APP: variants seen among roughly 807,000 people sequenced by gnomAD.
APP encodes amyloid-beta precursor protein.
A neutral mutation model predicts 101.4 loss-of-function variants in APP; 31 were observed. That is an observed-to-expected ratio of 0.31 (90% CI 0.23 to 0.41). APP has a LOEUF of 0.41. Ranked by LOEUF, APP falls within the 10% of genes least tolerant of loss-of-function variation. The pLI is 1.00. For missense variants in APP, 839 were observed against 1,003.7 expected (o/e 0.84, Z 2.22); for synonymous variants, 366 against 364.4 (o/e 1.00, Z -0.05).
At chr21:25,969,741 A>G (rs1387557674) in intron 11 of APP, among the ~76,000 whole-genome samples, 1 of 151,710 alleles carries the variant, frequency 6.6e-6, no homozygotes, top group Non-Finnish European at 1.5e-5. Flanking sequence ...CATGAGGCTG[A>G]GGCAAAAGGA....
chr21:25,883,326 T>G (rs1009600681), intron 17 of APP, among the ~76,000 whole-genome samples: 1 of 152,006 alleles, frequency 6.6e-6, no homozygotes, highest in Non-Finnish European at 1.5e-5. Context: ...TGGCTTGAAC[T>G]TGGGGGGTGG....
chr21:26,065,214 G>C (rs1460537629), intron 3 of APP, among the ~76,000 whole-genome samples: 1 of 152,180 alleles, frequency 6.6e-6, no homozygotes, highest in Admixed American at 6.5e-5. Context: ...CAGGATCATT[G>C]TCAGGGCATG....
Position 26,080,243 on chromosome 21 carries a change from A to C in APP, c.355+9700T>G, listed in dbSNP as rs116847037. 1.0e-2 allele frequency among the ~76,000 whole-genome samples: 1,518 copies of C among 152,284 alleles called. 14 individuals carry two copies. The highest frequency in any genetic ancestry group is 0.016 in the Non-Finnish European group (1,107 of 68,010). On this transcript the variant is annotated intron_variant, in intron 3 of 17. Transcript: ENST00000346798. ...TTCACTTGTAACACTTAATAATCTC[A>C]AAGTTTTGATTTGTGAATTCCATTA...
At chr21:26,157,965 G>A (rs2063409934) in intron 1 of APP, 1 of 152,172 alleles carries the variant, frequency 6.6e-6, no homozygotes, top group African/African-American at 2.4e-5. Context: ...CAAAGAACAA[G>A]CACAACAAAA....
At chr21:25,900,019 ATTTAT>A (rs2038337415) in intron 15 of APP, among the ~76,000 whole-genome samples, 1 of 152,010 alleles carries the variant, frequency 6.6e-6, no homozygotes, top group Non-Finnish European at 1.5e-5. Context: ...CTCTATTCTT[ATTTAT>A]TTTCTTACTT....
intron 1 of APP, among the ~76,000 whole-genome samples, chr21:26,154,586 G>A (rs1015378303): frequency 2.0e-5 from 3 of 152,162 alleles, no homozygotes; most frequent in Non-Finnish European, 4.4e-5. Context: ...TAAAGCTCCT[G>A]GCTTAATATT....
chr21:26,128,722 G>GA (rs554408042), intron 1 of APP, among the ~76,000 whole-genome samples: 185 of 145,808 alleles, frequency 1.3e-3, no homozygotes, highest in Middle Eastern at 3.5e-3. Context: ...GGAGGCTTTT[G>GA]AAAAAAAAAA....
In APP at chr21:26,028,023, C is replaced by T. The variant is rs559266813; in HGVS notation, c.663-5981G>A. Reference sequence around the variant, plus strand: ...CAGCCTGGCCAACATAGTGAAATTCCGTCTCTACTAAAAATACAAAAAATT... The same window carrying T: ...CAGCCTGGCCAACATAGTGAAATTCTGTCTCTACTAAAAATACAAAAAATT... On this transcript the variant is annotated intron_variant, in intron 5 of 17. Coordinates refer to ENST00000346798, the MANE Select transcript of APP (RefSeq NM_000484.4). 1.5e-3 allele frequency among the ~76,000 whole-genome samples: 222 copies of T among 151,952 alleles called. 1 individual carries two copies. The highest frequency in any genetic ancestry group is 2.6e-3 in the Non-Finnish European group (175 of 67,936).
chr21:25,942,556 CAA>C (rs1193976287), intron 13 of APP: 1 of 152,138 alleles, frequency 6.6e-6, no homozygotes, highest in Non-Finnish European at 1.5e-5. Context: ...ACTGTTTATC[CAA>C]AGTCTCCCCA....
chr21:26,148,148 C>T (rs2146331938), intron 1 of APP, among the ~76,000 whole-genome samples: 1 of 152,314 alleles, frequency 6.6e-6, no homozygotes, highest in East Asian at 1.9e-4. Flanking sequence ...GTGGAGAAGC[C>T]ACAAACCCCT....
chr21:26,168,141 G>C (rs1279915283), intron 1 of APP, among the ~76,000 whole-genome samples: 3 of 152,082 alleles, frequency 2.0e-5, no homozygotes, highest in African/African-American at 4.8e-5. Context: ...ACATCATATA[G>C]ATTAGGGTTT....
rs577329119 is a variant in APP, at chr21:26,003,579, G to A, written c.866-3397C>T. Among the ~76,000 whole-genome samples, 26 of 152,336 alleles carry A rather than the reference G, an allele frequency of 1.7e-4. No homozygotes were observed. The South Asian group carries it at 5.2e-3, about 30-fold the overall frequency. ...GTTAATTTAATGTCAAATACATAAT[G>A]TATGGAGAAGATGTACGTGAGGCTG... On this transcript the variant is annotated intron_variant, in intron 6 of 17. Coordinates refer to ENST00000346798, the MANE Select transcript of APP (RefSeq NM_000484.4).
At chr21:26,093,755 T>C (rs1356626869) in intron 2 of APP, among the ~76,000 whole-genome samples, 1 of 152,222 alleles carries the variant, frequency 6.6e-6, no homozygotes, top group Non-Finnish European at 1.5e-5. Flanking sequence ...TTTTCTGTGC[T>C]TCAGCTTCTC....
intron 15 of APP, among the ~76,000 whole-genome samples, chr21:25,904,782 G>A (rs1398038572): frequency 6.6e-6 from 1 of 152,002 alleles, no homozygotes. Context: ...ATTTGGAAGG[G>A]CTCTCTTTTA....
intron 1 of APP, among the ~76,000 whole-genome samples, chr21:26,156,308 T>C (rs528530335): frequency 7.7e-4 from 118 of 152,352 alleles, no homozygotes; most frequent in African/African-American, 2.6e-3. Context: ...TTGCAATCTG[T>C]ATCAATTTGT....
chr21:25,899,576 TAGTAAC>T (rs1212855586), intron 15 of APP, among the ~76,000 whole-genome samples: 3 of 151,856 alleles, frequency 2.0e-5, no homozygotes, highest in East Asian at 1.9e-4. Context: ...TGAGGTCTCT[TAGTAAC>T]AGTGACGTGA....
intron 3 of APP, among the ~76,000 whole-genome samples, chr21:26,054,620 G>GTT (rs369608335): frequency 0.026 from 2,800 of 107,854 alleles, 68 homozygotes; most frequent in Non-Finnish European, 0.03. Context: ...TAGGCCAAAA[G>GTT]TTTTTTTTTT....
chr21:25,895,002 G>T (rs1157492775), intron 16 of APP, among the ~76,000 whole-genome samples: 2 of 152,050 alleles, frequency 1.3e-5, no homozygotes, highest in Non-Finnish European at 2.9e-5. Context: ...GAACATCAAG[G>T]CAAGATTCTC....
intron 1 of APP, among the ~76,000 whole-genome samples, chr21:26,146,858 A>G (rs1422370994): frequency 3.9e-5 from 6 of 152,268 alleles, no homozygotes; most frequent in Non-Finnish European, 8.8e-5. Context: ...TACTGGGTAC[A>G]TAATACTAGG....
Sources: gnomAD v4.1 joint callset for allele counts (sites outside exome capture counted in the v4.1 genomes callset) on GRCh38, gnomAD v4.1.1 for gene constraint, MANE v1.5 for transcripts, NCBI Gene and HGNC (gene_info 2026-07-23, HGNC 2026-07-21) for gene names.